The following RAD51B variants were observed in gnomAD, a reference collection of about 807,000 sequenced individuals.
RAD51B encodes RAD51 paralog B, also known as DNA repair protein RAD51 homolog 2.
RAD51B carries 38 observed loss-of-function variants against 42.2 expected under a neutral mutation model. That is an observed-to-expected ratio of 0.90 (90% CI 0.70 to 1.18). The LOEUF (loss-of-function observed/expected upper bound fraction) is 1.18. Ranked by LOEUF, RAD51B falls within the 50% of genes most tolerant of loss-of-function variation. The probability of loss-of-function intolerance (pLI) is 0.00; values close to 1 mark genes in which losing one functional copy is unlikely to be tolerated. For synonymous variants in RAD51B, 154 were observed against 145.2 expected, an observed-to-expected ratio of 1.06 and a Z score of -0.43; for missense variants, 373 against 400.7, an observed-to-expected ratio of 0.93 and a Z score of 0.59.
chr14:68,636,309 G>C (rs1003736246), intron 10 of RAD51B, among the ~76,000 whole-genome samples: 69 of 152,250 alleles, frequency 4.5e-4, no homozygotes, highest in African/African-American at 1.7e-3. Flanking sequence ...AAGGCTGGGC[G>C]TGGTGGCTCA....
chr14:68,222,384 G>A (rs2079947275), intron 7 of RAD51B, among the ~76,000 whole-genome samples: 2 of 152,156 alleles, frequency 1.3e-5, no homozygotes, highest in Admixed American at 6.5e-5. Flanking sequence ...CAGCAACCTC[G>A]ATGAAATTGG....
At chr14:68,388,054 TTGTGTGTG>T (rs140319319) in intron 8 of RAD51B, among the ~76,000 whole-genome samples, 7 of 120,422 alleles carry the variant, frequency 5.8e-5, no homozygotes, top group Admixed American at 9.2e-5. Context: ...GTGACTTGCA[TTGTGTGTG>T]TGTGTGTGTG....
chr14:68,367,130 G>A (rs1002070262), intron 8 of RAD51B, among the ~76,000 whole-genome samples: 1 of 152,170 alleles, frequency 6.6e-6, no homozygotes, highest in African/African-American at 2.4e-5. Flanking sequence ...GACTACTGTG[G>A]AATCTTTGTA....
intron 8 of RAD51B, among the ~76,000 whole-genome samples, chr14:68,381,781 G>A (rs958862351): frequency 2.6e-5 from 4 of 152,172 alleles, no homozygotes; most frequent in African/African-American, 9.7e-5. Context: ...AAGTGGATTG[G>A]GTTAAAATGA....
chr14:67,929,501 T>C (rs750630537), intron 7 of RAD51B, among the ~76,000 whole-genome samples: 2 of 152,186 alleles, frequency 1.3e-5, no homozygotes, highest in African/African-American at 2.4e-5. Flanking sequence ...GCCTAACATA[T>C]GGTAAATCCT....
chr14:68,292,044 C>CAGGAGGTGGAGAGG, intron 8 of RAD51B, 64 bp downstream of exon 8: 1 of 1,398,596 alleles, frequency 7.2e-7, no homozygotes, highest in Non-Finnish European at 1.0e-6. Flanking sequence ...TGCCTCTCCA[C>CAGGAGGTGGAGAGG]CTCCTGTTGA....
chr14:68,648,342 G>A (rs953771846), intron 10 of RAD51B, among the ~76,000 whole-genome samples: 6 of 146,776 alleles, frequency 4.1e-5, no homozygotes, highest in Non-Finnish European at 9.0e-5. Context: ...TGTGCAAGTT[G>A]ATTTATTGAG....
At chr14:67,943,014 A>G (rs188341361) in intron 7 of RAD51B, among the ~76,000 whole-genome samples, 1 of 152,256 alleles carries the variant, frequency 6.6e-6, no homozygotes, top group East Asian at 1.9e-4. Flanking sequence ...GAAACAGTCA[A>G]CTGTCACTTA....
intron 7 of RAD51B, among the ~76,000 whole-genome samples, chr14:67,940,023 C>CATATATATATATATATATATATATAT (rs764722617): frequency 2.9e-5 from 1 of 34,334 alleles, no homozygotes; most frequent in Non-Finnish European, 5.0e-5. Flanking sequence ...TTGATAGATG[C>CATATATATATATATATATATATATAT]ATATATATAT....
At chr14:67,840,537 G>A (rs189533229) in intron 4 of RAD51B, among the ~76,000 whole-genome samples, 2 of 152,278 alleles carry the variant, frequency 1.3e-5, no homozygotes, top group African/African-American at 4.8e-5. Flanking sequence ...TACCATGGAT[G>A]GGCACTTAGG....
chr14:68,575,311 G>T (rs1401657074), intron 10 of RAD51B, among the ~76,000 whole-genome samples: 3 of 152,168 alleles, frequency 2.0e-5, no homozygotes, highest in Non-Finnish European at 4.4e-5. Context: ...CTAAATGGTA[G>T]GGCCAGAAAT....
intron 7 of RAD51B, among the ~76,000 whole-genome samples, chr14:68,076,609 G>A (rs2076837900): frequency 6.6e-6 from 1 of 152,176 alleles, no homozygotes; most frequent in South Asian, 2.1e-4. Context: ...TGTTCAAATA[G>A]TAATCAGTGT....
At chr14:68,001,784 G>A (rs1034685962) in intron 7 of RAD51B, among the ~76,000 whole-genome samples, 2 of 152,122 alleles carry the variant, frequency 1.3e-5, no homozygotes, top group African/African-American at 4.8e-5. Context: ...ACTTACAAGC[G>A]AGAACATGTG....
chr14:68,331,951 A>G (rs917538042), intron 8 of RAD51B, among the ~76,000 whole-genome samples: 2 of 152,184 alleles, frequency 1.3e-5, no homozygotes, highest in African/African-American at 4.8e-5. Context: ...TACCCCATTC[A>G]TATGCATTTT....
At chr14:68,161,656 A>G (rs1221825670) in intron 7 of RAD51B, among the ~76,000 whole-genome samples, 1 of 152,214 alleles carries the variant, frequency 6.6e-6, no homozygotes, top group East Asian at 1.9e-4. Context: ...TTCTCACTTC[A>G]TTTATGAGGA....
intron 10 of RAD51B, among the ~76,000 whole-genome samples, chr14:68,529,306 C>T (rs1241257498): frequency 1.3e-5 from 2 of 152,202 alleles, no homozygotes. Context: ...AGGCAATTCT[C>T]CCACATCAGC....
At chr14:68,248,181 C>A (rs1335046536) in intron 7 of RAD51B, among the ~76,000 whole-genome samples, 1 of 152,204 alleles carries the variant, frequency 6.6e-6, no homozygotes, top group Non-Finnish European at 1.5e-5. Context: ...AAGCAATCCA[C>A]ATTTTTTCTG....
At chr14:67,988,015 G>GCAAA (rs148628851) in intron 7 of RAD51B, among the ~76,000 whole-genome samples, 1 of 152,000 alleles carries the variant, frequency 6.6e-6, no homozygotes, top group African/African-American at 2.4e-5. Context: ...ACCAAACCAA[G>GCAAA]CAAACAAACA....
At chr14:68,001,751 T>A (rs922834696) in intron 7 of RAD51B, among the ~76,000 whole-genome samples, 4 of 152,184 alleles carry the variant, frequency 2.6e-5, no homozygotes, top group Non-Finnish European at 5.9e-5. Context: ...CATGTGTCCC[T>A]GTGTTCTCAT....
Sources: allele counts gnomAD v4.1 joint callset (sites outside exome capture counted in the v4.1 genomes callset), GRCh38; gene constraint gnomAD v4.1.1; transcripts MANE v1.5; gene names NCBI Gene and HGNC (gene_info 2026-07-23, HGNC 2026-07-21).